Variants in AK9 observed in about 807,000 individuals in gnomAD.
The protein encoded by AK9 is adenylate kinase domain containing 1.
In AK9, 191 loss-of-function variants were observed where a neutral mutation model predicts 239.6. The ratio of observed to expected loss-of-function variants is 0.80; its 90% confidence interval spans 0.71 to 0.90. AK9 has a LOEUF of 0.90. Ranked by LOEUF, AK9 falls within the 40% of genes least tolerant of loss-of-function variation. The pLI is 0.00. For missense variants in AK9, 1,995 were observed against 2,214.7 expected (o/e 0.90, Z 1.99); for synonymous variants, 689 against 721.0 (o/e 0.96, Z 0.71).
chr6:109,593,647 A>G (rs1207901835), intron 17 of AK9, among the ~76,000 whole-genome samples: 1 of 152,166 alleles, frequency 6.6e-6, no homozygotes, highest in African/African-American at 2.4e-5. Context: ...CCAGCAGCAC[A>G]TCAAAAAACT....
chr6:109,533,700 C>T (rs1714295087), intron 27 of AK9, among the ~76,000 whole-genome samples: 1 of 151,812 alleles, frequency 6.6e-6, no homozygotes, highest in African/African-American at 2.4e-5. Flanking sequence ...AAAATTTACT[C>T]TTTTATTTCT....
At chr6:109,608,614 T>C (rs1793208082) in intron 17 of AK9, among the ~76,000 whole-genome samples, 1 of 152,178 alleles carries the variant, frequency 6.6e-6, no homozygotes, top group African/African-American at 2.4e-5. Context: ...AAGATAAAGC[T>C]AGGTTTCCAG....
intron 21 of AK9, among the ~76,000 whole-genome samples, chr6:109,572,133 G>A (rs890978109): frequency 6.6e-6 from 1 of 152,142 alleles, no homozygotes; most frequent in African/African-American, 2.4e-5. Flanking sequence ...AAGAATTTGA[G>A]CAGATGATTA....
At chr6:109,514,471 G>T in intron 31 of AK9, 34 bp from the exon 32 acceptor site, 1 of 1,477,532 alleles carries the variant, frequency 6.8e-7, no homozygotes, top group African/African-American at 1.4e-5. Flanking sequence ...TTGAAAGTTA[G>T]TTTGAATTTT....
chr6:109,658,066 C>T (rs888657398), intron 7 of AK9, among the ~76,000 whole-genome samples: 1 of 152,124 alleles, frequency 6.6e-6, no homozygotes, highest in African/African-American at 2.4e-5. Flanking sequence ...TTTAATTACT[C>T]TATAGTTGGA....
intron 27 of AK9, among the ~76,000 whole-genome samples, chr6:109,540,888 G>T (rs1017928951): frequency 8.5e-4 from 129 of 152,196 alleles, no homozygotes; most frequent in African/African-American, 2.6e-3. Flanking sequence ...AAAAGTTGTG[G>T]AGTTTCTCCA....
At chr6:109,524,132 T>C (rs1301110797) in intron 29 of AK9, among the ~76,000 whole-genome samples, 2 of 151,986 alleles carry the variant, frequency 1.3e-5, no homozygotes, top group African/African-American at 2.4e-5. Context: ...AATACACTTA[T>C]AATAAATGAA....
rs1464107769 is a variant in AK9 at position 109,671,999 on chromosome 6, A to G, written c.251T>C (p.Ile84Thr). The G allele has an allele frequency of 6.2e-7, 1 of 1,614,032 alleles. No individual in the cohort carries two copies. Among genetic ancestry groups the G allele is most frequent in the African/African-American group, 1.3e-5 (1 of 75,056 alleles). The stretch of plus-strand genomic sequence containing the variant: ...TTCATCTGGAATGCTTTGACCGCTG[A>G]TCAACATTGATTGCAACTAAGGACA... ...ESGVMLQSMLISGQSIPDELV... is the reference protein window; with the variant it reads ...ESGVMLQSMLTSGQSIPDELV... Residue 84 changes from isoleucine (I) to threonine (T), a missense_variant, in exon 5 of 41, where the codon ATC (isoleucine) becomes ACC (threonine). Around this residue, in one of 5 missense-constraint regions of AK9, gnomAD observed 252 missense variants for 246.4 expected, o/e 1.02. Transcript: ENST00000424296.
intron 29 of AK9, among the ~76,000 whole-genome samples, chr6:109,524,848 G>C (rs544251300): frequency 6.6e-6 from 1 of 152,098 alleles, no homozygotes; most frequent in Admixed American, 6.6e-5. Flanking sequence ...ACAGTTCTAA[G>C]GTTTTTACAA....
rs931703226 is a variant in AK9 at position 109,671,919 on chromosome 6, C to T, written c.331G>A (p.Gly111Ser). The T allele has an allele frequency of 6.2e-7, 1 of 1,612,918 alleles. No homozygotes were observed. Among genetic ancestry groups the T allele is most frequent in the Non-Finnish European group, 8.5e-7 (1 of 1,179,286 alleles). Residue 111 changes from glycine (G) to serine (S), a missense_variant and splice_region_variant, in exon 5 of 41, where the codon GGT becomes AGT. Gly to Ser is a moderately conservative substitution (Grantham distance 56, BLOSUM62 0). Coordinates refer to ENST00000424296, the MANE Select transcript of AK9 (RefSeq NM_001145128.3). ...KLNSPEVCHF[G>S]YIITEIPSLS... is the part of the protein sequence containing the mutation. The stretch of plus-strand genomic sequence containing the variant: ...TGTAAATATATTAAAATAAACATAC[C>T]AAAGTGACAGACTTCTGGGGAGTTG...
At chr6:109,569,464 A>G (rs1290176283) in intron 21 of AK9, among the ~76,000 whole-genome samples, 1 of 152,224 alleles carries the variant, frequency 6.6e-6, no homozygotes, top group African/African-American at 2.4e-5. Context: ...CTGCCCAGCA[A>G]AAGAAACTAC....
At chr6:109,608,758 A>C (rs1398680206) in intron 17 of AK9, among the ~76,000 whole-genome samples, 1 of 152,182 alleles carries the variant, frequency 6.6e-6, no homozygotes, top group Non-Finnish European at 1.5e-5. Context: ...CTATTATTCA[A>C]GACAAGATAT....
chr6:109,552,670 G>T (rs1201350805), intron 24 of AK9, among the ~76,000 whole-genome samples: 1 of 152,182 alleles, frequency 6.6e-6, no homozygotes, highest in Non-Finnish European at 1.5e-5. Context: ...TCACTCTGAT[G>T]ATAGTTTCTT....
intron 12 of AK9, among the ~76,000 whole-genome samples, chr6:109,623,449 A>G (rs1232645548): frequency 6.6e-6 from 1 of 152,166 alleles, no homozygotes; most frequent in African/African-American, 2.4e-5. Flanking sequence ...TCCTATGAAG[A>G]GATCTACATA....
chr6:109,537,066 T>C (rs1189026253), intron 27 of AK9, among the ~76,000 whole-genome samples: 3 of 152,176 alleles, frequency 2.0e-5, no homozygotes, highest in Non-Finnish European at 2.9e-5. Context: ...TAAAACTCTC[T>C]TTTTTTGTTG....
chr6:109,607,742 C>T (rs1448141824), intron 17 of AK9, among the ~76,000 whole-genome samples: 2 of 149,058 alleles, frequency 1.3e-5, no homozygotes, highest in African/African-American at 4.9e-5. Context: ...AGATACAATG[C>T]AACCCGATCA....
chr6:109,592,455 T>C (rs1338656731), intron 17 of AK9, among the ~76,000 whole-genome samples: 1 of 149,658 alleles, frequency 6.7e-6, no homozygotes, highest in African/African-American at 2.4e-5. Context: ...TCTTTTTTTT[T>C]TTTTTTTTTG....
intron 18 of AK9, 30 bp downstream of exon 18, chr6:109,585,886 T>C (rs1355220100): frequency 2.6e-6 from 4 of 1,521,710 alleles, no homozygotes; most frequent in Non-Finnish European, 2.6e-6. Context: ...AAACTTCACT[T>C]TCAAATTTAC....
intron 10 of AK9, among the ~76,000 whole-genome samples, chr6:109,638,552 C>G (rs1796995602): frequency 6.6e-6 from 1 of 152,170 alleles, no homozygotes; most frequent in South Asian, 2.1e-4. Flanking sequence ...ACAATCATGG[C>G]TCACTGCAGC....
Sources: gnomAD v4.1 joint callset for allele counts (sites outside exome capture counted in the v4.1 genomes callset) on GRCh38, gnomAD v4.1.1 for gene constraint, gnomAD v4.1.1 regional missense constraint, MANE v1.5 for transcripts, NCBI Gene and HGNC (gene_info 2026-07-23, HGNC 2026-07-21) for gene names.